The following CADM2 variants were observed in gnomAD, a reference collection of about 807,000 sequenced individuals.
CADM2 encodes the protein immunoglobulin superfamily member 4D.
In CADM2, 12 loss-of-function variants were observed where a neutral mutation model predicts 49.8. That is an observed-to-expected ratio of 0.24 (90% CI 0.15 to 0.39). CADM2 has a LOEUF of 0.39. Among genes scored for constraint, CADM2 ranks in the 10% least tolerant of loss-of-function variants. The pLI is 1.00. For missense variants in CADM2, 378 were observed against 492.3 expected (o/e 0.77, Z 2.20); for synonymous variants, 214 against 175.4 (o/e 1.22, Z -1.74).
chr3:85,634,079 T>G (rs1045974405), intron 1 of CADM2, among the ~76,000 whole-genome samples: 1 of 151,980 alleles, frequency 6.6e-6, no homozygotes, highest in Admixed American at 6.6e-5. Flanking sequence ...CTTCCTTGCT[T>G]GCGACTGCTC....
rs529013940 is a variant in CADM2, at chr3:85,911,258, A to G, written c.530-1115A>G. ...TTATTAGTTTGATTTCTAAACCTTT[A>G]AAATTGCCCTCTTCTTATCAGCTAC... On this transcript the variant is annotated intron_variant, in intron 5 of 9. Coordinates refer to ENST00000383699, the MANE Select transcript of CADM2 (RefSeq NM_001167675.2). Among the ~76,000 whole-genome samples the G allele has an allele frequency of 3.3e-5, 5 of 152,294 alleles. No individual in the cohort carries two copies. The East Asian group carries it at 9.6e-4, about 29-fold the overall frequency.
intron 1 of CADM2, among the ~76,000 whole-genome samples, chr3:85,071,632 T>G (rs1332612017): frequency 6.6e-6 from 1 of 152,158 alleles, no homozygotes; most frequent in Non-Finnish European, 1.5e-5. Context: ...GAATATAATA[T>G]TGAATTTTAA....
At chr3:85,027,829 T>G (rs1307931093) in intron 1 of CADM2, among the ~76,000 whole-genome samples, 3 of 152,196 alleles carry the variant, frequency 2.0e-5, no homozygotes. Context: ...AGCCTGTTAG[T>G]GGCAAAGAGG....
intron 1 of CADM2, among the ~76,000 whole-genome samples, chr3:84,979,588 C>T (rs547217318): frequency 2.6e-5 from 4 of 151,942 alleles, no homozygotes; most frequent in African/African-American, 7.2e-5. Flanking sequence ...TAAAAACTGT[C>T]GGCCTTAAGG....
chr3:85,288,499 A>G (rs1017471079), intron 1 of CADM2, among the ~76,000 whole-genome samples: 7 of 152,130 alleles, frequency 4.6e-5, no homozygotes, highest in African/African-American at 1.4e-4. Context: ...TTATTAAAAT[A>G]ATAATATTAA....
At chr3:85,966,569 G>C (rs779133803) in intron 8 of CADM2, among the ~76,000 whole-genome samples, 1 of 151,302 alleles carries the variant, frequency 6.6e-6, no homozygotes, top group Non-Finnish European at 1.5e-5. Context: ...CACAGATTTC[G>C]TTTTCTTTAC....
intron 8 of CADM2, among the ~76,000 whole-genome samples, chr3:86,062,935 G>A (rs1263091468): frequency 6.6e-6 from 1 of 151,794 alleles, no homozygotes; most frequent in Non-Finnish European, 1.5e-5. Flanking sequence ...TTTATCGGCT[G>A]AGCCTTCATT....
chr3:86,002,996 T>C (rs1471871724), intron 8 of CADM2, among the ~76,000 whole-genome samples: 1 of 152,218 alleles, frequency 6.6e-6, no homozygotes, highest in Non-Finnish European at 1.5e-5. Context: ...CTCTCCATCT[T>C]AACCCATTGT....
intron 8 of CADM2, among the ~76,000 whole-genome samples, chr3:85,964,006 G>A (rs1240181098): frequency 6.6e-6 from 1 of 151,820 alleles, no homozygotes; most frequent in East Asian, 2.0e-4. Flanking sequence ...TGTTTAAAAG[G>A]GGCGCCAATT....
intron 8 of CADM2, among the ~76,000 whole-genome samples, chr3:85,984,431 G>C (rs1414708235): frequency 1.3e-5 from 2 of 151,362 alleles, no homozygotes; most frequent in Non-Finnish European, 3.0e-5. Flanking sequence ...TCATTTTATA[G>C]ATGATGTTAA....
intron 1 of CADM2, among the ~76,000 whole-genome samples, chr3:85,085,762 C>A (rs185985735): frequency 2.2e-3 from 333 of 152,182 alleles, no homozygotes; most frequent in Middle Eastern, 6.8e-3. Flanking sequence ...ATATATATAA[C>A]GAGTTGACCC....
intron 1 of CADM2, among the ~76,000 whole-genome samples, chr3:85,588,410 A>G (rs1044906101): frequency 6.6e-6 from 1 of 152,048 alleles, no homozygotes; most frequent in Admixed American, 6.6e-5. Flanking sequence ...TTTATGATAC[A>G]GTGTTGCAAA....
At chr3:85,134,522 T>G (rs998471621) in intron 1 of CADM2, among the ~76,000 whole-genome samples, 1 of 152,246 alleles carries the variant, frequency 6.6e-6, no homozygotes, top group Non-Finnish European at 1.5e-5. Context: ...CTATTCATAC[T>G]TAACCACAGT....
At chr3:85,354,366 G>T (rs1011473588) in intron 1 of CADM2, among the ~76,000 whole-genome samples, 1 of 111,950 alleles carries the variant, frequency 8.9e-6, no homozygotes, top group Non-Finnish European at 1.8e-5. Flanking sequence ...GGTGGGGGGA[G>T]GGGGGAGGGA....
chr3:85,435,049 C>A (rs1315431461), intron 1 of CADM2, among the ~76,000 whole-genome samples: 1 of 151,814 alleles, frequency 6.6e-6, no homozygotes, highest in African/African-American at 2.4e-5. Flanking sequence ...GCTTTAAGTT[C>A]TGGGATACAT....
intron 3 of CADM2, among the ~76,000 whole-genome samples, chr3:85,860,674 A>G (rs971760152): frequency 1.3e-5 from 2 of 152,174 alleles, no homozygotes; most frequent in African/African-American, 4.8e-5. Flanking sequence ...CATGAATTCC[A>G]TTCACGAAAG....
chr3:85,198,539 G>T (rs1008161356), intron 1 of CADM2, among the ~76,000 whole-genome samples: 5 of 151,354 alleles, frequency 3.3e-5, no homozygotes, highest in Admixed American at 1.3e-4. Context: ...CACAGAAGCA[G>T]TTTCTCTTGG....
At chr3:85,284,672 G>T (rs1436909550) in intron 1 of CADM2, among the ~76,000 whole-genome samples, 1 of 152,136 alleles carries the variant, frequency 6.6e-6, no homozygotes, top group African/African-American at 2.4e-5. Context: ...CTATGCATGG[G>T]AGGTCAATAG....
chr3:85,901,920 C>T (rs921307430), intron 5 of CADM2, among the ~76,000 whole-genome samples: 1 of 152,146 alleles, frequency 6.6e-6, no homozygotes, highest in Admixed American at 6.5e-5. Flanking sequence ...ATTAGCTTAG[C>T]ATAAGCTAAT....
Sources: gnomAD v4.1 joint callset for allele counts (sites outside exome capture counted in the v4.1 genomes callset) on GRCh38, gnomAD v4.1.1 for gene constraint, MANE v1.5 for transcripts, NCBI Gene and HGNC (gene_info 2026-07-23, HGNC 2026-07-21) for gene names.